The following KCTD8 variants were observed in gnomAD, a reference collection of about 807,000 sequenced individuals.
KCTD8 encodes BTB/POZ domain-containing protein KCTD8.
Under a neutral mutation model 31.5 loss-of-function variants are expected in KCTD8, and 27 were observed. That is an observed-to-expected ratio of 0.86 (90% CI 0.63 to 1.18). The LOEUF is 1.18. Ranked by LOEUF, KCTD8 falls within the 50% of genes most tolerant of loss-of-function variation. KCTD8 has a pLI of 0.00. For missense variants in KCTD8, 658 were observed against 647.7 expected (o/e 1.02, Z -0.17); for synonymous variants, 290 against 280.0 (o/e 1.04, Z -0.36).
chr4:44,346,579 A>C (rs1170827482), intron 1 of KCTD8, among the ~76,000 whole-genome samples: 1 of 152,204 alleles, frequency 6.6e-6, no homozygotes, highest in African/African-American at 2.4e-5. Flanking sequence ...TCAAGTTCAA[A>C]GAAAAGATGA....
intron 1 of KCTD8, among the ~76,000 whole-genome samples, chr4:44,405,878 C>A (rs1263987568): frequency 6.8e-6 from 1 of 147,854 alleles, no homozygotes; most frequent in African/African-American, 2.5e-5. Context: ...TGAAGCATGT[C>A]CATGAGCCAT....
chr4:44,215,194 C>T (rs1304746407), intron 1 of KCTD8, among the ~76,000 whole-genome samples: 1 of 152,180 alleles, frequency 6.6e-6, no homozygotes, highest in Non-Finnish European at 1.5e-5. Flanking sequence ...GCCTGGTCTC[C>T]TGTACAGCTA....
At chr4:44,278,787 C>T (rs1379448993) in intron 1 of KCTD8, among the ~76,000 whole-genome samples, 2 of 152,058 alleles carry the variant, frequency 1.3e-5, no homozygotes, top group East Asian at 3.9e-4. Flanking sequence ...TCAACCATGA[C>T]TCAAAGAGTT....
In KCTD8 at chr4:44,448,526, T is replaced by TC. The variant is rs770043706; in HGVS notation, c.-4dup. On this transcript the variant is annotated 5_prime_UTR_variant, in exon 1 of 2. Coordinates refer to ENST00000360029, the MANE Select transcript of KCTD8 (RefSeq NM_198353.3). The surrounding 1 kb of genome is among the most constrained non-coding windows in gnomAD (Gnocchi z 4.1). ...CTGCCCGTGTCCTTCAGAGCCATAG[T>TC]CCCCCCGCCGCCGGCCCAGTGACCC... The TC allele has an allele frequency of 2.1e-6, 3 of 1,448,082 alleles. No individual in the cohort carries two copies. The highest frequency in any genetic ancestry group is 5.2e-5 in the Admixed American group (2 of 38,274). 89.7% of individuals were successfully genotyped at this position (1,448,082 alleles called of 1,614,324 possible).
intron 1 of KCTD8, among the ~76,000 whole-genome samples, chr4:44,396,441 C>T (rs1720505942): frequency 6.7e-6 from 1 of 149,296 alleles, no homozygotes; most frequent in African/African-American, 2.4e-5. Flanking sequence ...CCAAGAACTA[C>T]TCAAGGAAAG....
intron 1 of KCTD8, among the ~76,000 whole-genome samples, chr4:44,434,375 C>A (rs528820055): frequency 3.3e-4 from 50 of 151,986 alleles, no homozygotes; most frequent in African/African-American, 9.9e-4. Flanking sequence ...GGGCAACTCT[C>A]TGAAATATGT....
chr4:44,291,544 C>T (rs1004355752), intron 1 of KCTD8, among the ~76,000 whole-genome samples: 2 of 151,958 alleles, frequency 1.3e-5, no homozygotes, highest in African/African-American at 2.4e-5. Flanking sequence ...AGGAAATACC[C>T]TTCCCGACAT....
intron 1 of KCTD8, among the ~76,000 whole-genome samples, chr4:44,444,974 T>C (rs1721905333): frequency 6.6e-6 from 1 of 152,012 alleles, no homozygotes; most frequent in Non-Finnish European, 1.5e-5. Flanking sequence ...AAGGGGGAAA[T>C]AAAAGCTATT....
intron 1 of KCTD8, among the ~76,000 whole-genome samples, chr4:44,195,997 T>G (rs1713929993): frequency 6.6e-6 from 1 of 152,126 alleles, no homozygotes; most frequent in Admixed American, 6.5e-5. Flanking sequence ...AAACAAATAT[T>G]AAAAGTTTAT....
chr4:44,216,539 A>G (rs1479941294), intron 1 of KCTD8, among the ~76,000 whole-genome samples: 1 of 152,192 alleles, frequency 6.6e-6, no homozygotes, highest in East Asian at 1.9e-4. Flanking sequence ...AGGAAGTAGG[A>G]TATAGGGTAG....
At chr4:44,242,629 T>C (rs1481400239) in intron 1 of KCTD8, among the ~76,000 whole-genome samples, 1 of 151,936 alleles carries the variant, frequency 6.6e-6, no homozygotes, top group Non-Finnish European at 1.5e-5. Flanking sequence ...CTTGTTGATA[T>C]AGTTTGACTA....
intron 1 of KCTD8, among the ~76,000 whole-genome samples, chr4:44,430,723 A>T (rs1191389024): frequency 6.6e-6 from 1 of 151,592 alleles, no homozygotes; most frequent in Non-Finnish European, 1.5e-5. Flanking sequence ...CTTAATATCC[A>T]ACGTAATATA....
At chr4:44,417,693 T>C (rs1433161698) in intron 1 of KCTD8, among the ~76,000 whole-genome samples, 1 of 152,012 alleles carries the variant, frequency 6.6e-6, no homozygotes, top group African/African-American at 2.4e-5. Flanking sequence ...AGATAAAGAA[T>C]AACAGAAGGA....
chr4:44,210,208 G>A (rs1385616664), intron 1 of KCTD8, among the ~76,000 whole-genome samples: 4 of 152,126 alleles, frequency 2.6e-5, no homozygotes, highest in African/African-American at 9.7e-5. Flanking sequence ...TGAAATGTTT[G>A]AGTGTCTTCA....
chr4:44,229,425 C>T (rs1207662828), intron 1 of KCTD8, among the ~76,000 whole-genome samples: 2 of 152,174 alleles, frequency 1.3e-5, no homozygotes, highest in African/African-American at 2.4e-5. Context: ...CCAGGGCACT[C>T]CGCTGGCAAA....
At chr4:44,258,011 T>C (rs996891673) in intron 1 of KCTD8, among the ~76,000 whole-genome samples, 3 of 151,998 alleles carry the variant, frequency 2.0e-5, no homozygotes, top group Non-Finnish European at 4.4e-5. Context: ...CCTTTCTACA[T>C]TTTAGTTAAA....
At chr4:44,293,558 A>G (rs1717339634) in intron 1 of KCTD8, 1 of 393,180 alleles carries the variant, frequency 2.5e-6, no homozygotes. Context: ...TTTATATAAG[A>G]AAAGGTCAGG....
intron 1 of KCTD8, among the ~76,000 whole-genome samples, chr4:44,186,414 G>GTAACCCAAT (rs1269675548): frequency 6.6e-6 from 1 of 152,216 alleles, no homozygotes; most frequent in African/African-American, 2.4e-5. Flanking sequence ...AAGCCCACAT[G>GTAACCCAAT]TAACCCAATT....
At chr4:44,322,843 GTTC>G (rs1246010896) in intron 1 of KCTD8, among the ~76,000 whole-genome samples, 28 of 152,066 alleles carry the variant, frequency 1.8e-4, no homozygotes, top group African/African-American at 6.3e-4. Flanking sequence ...ATTGAAAAGT[GTTC>G]TTTTCTCAAT....
Sources: allele counts gnomAD v4.1 joint callset (sites outside exome capture counted in the v4.1 genomes callset), GRCh38; gene constraint gnomAD v4.1.1; non-coding constraint Gnocchi (gnomAD v3.1); transcripts MANE v1.5; gene names NCBI Gene and HGNC (gene_info 2026-07-23, HGNC 2026-07-21).